CTNNA3: variants seen among roughly 807,000 people sequenced by gnomAD.
CTNNA3 encodes the protein catenin alpha-3.
In CTNNA3, 76 loss-of-function variants were observed where a neutral mutation model predicts 95.7. That is an observed-to-expected ratio of 0.79 (90% CI 0.66 to 0.96). CTNNA3 has a LOEUF of 0.96. Ranked by LOEUF, CTNNA3 falls within the 40% of genes least tolerant of loss-of-function variation. CTNNA3 has a pLI of 0.00. For synonymous variants in CTNNA3, 431 were observed against 374.4 expected, an observed-to-expected ratio of 1.15 and a Z score of -1.74; for missense variants, 1,191 against 1,089.8, an observed-to-expected ratio of 1.09 and a Z score of -1.31.
chr10:67,487,600 C>T (rs1848492454), intron 5 of CTNNA3, among the ~76,000 whole-genome samples: 1 of 152,218 alleles, frequency 6.6e-6, no homozygotes, highest in Non-Finnish European at 1.5e-5. Context: ...ACCTCACAAC[C>T]TGGGTGGTTC....
chr10:66,509,004 C>G (rs940617304), intron 11 of CTNNA3, among the ~76,000 whole-genome samples: 2 of 152,074 alleles, frequency 1.3e-5, no homozygotes, highest in Non-Finnish European at 2.9e-5. Context: ...TTCCCACCAA[C>G]AGTATATAAG....
At position 66,331,338 on chromosome 10, in the gene CTNNA3, G is replaced by GCTTGC. The variant is rs1417713676; in HGVS notation, c.1732+47813_1732+47814insGCAAG. Among the ~76,000 whole-genome samples the GCTTGC allele has an allele frequency of 9.5e-3, 373 of 39,086 alleles. 65 individuals are homozygous for GCTTGC. Among genetic ancestry groups the GCTTGC allele is most frequent in the African/African-American group, 0.024 (336 of 13,966 alleles). The allele number at this position is 39,086 out of a possible 152,430, so 25.6% of individuals were successfully genotyped here. A position where few individuals can be genotyped will look rare whatever the true frequency, so the allele number is the denominator to read the frequency against. On this transcript the variant is annotated intron_variant, in intron 12 of 17. Coordinates refer to ENST00000433211, the MANE Select transcript of CTNNA3 (RefSeq NM_013266.4). ...TTAAATATGGACTCCTTTCCCCATT[G>GCTTGC]TTTGTTTTTTTTTTTTTTTTTTTTT... is the stretch of plus-strand genomic sequence containing the variant.
chr10:67,569,420 T>C (rs888842047), intron 3 of CTNNA3, among the ~76,000 whole-genome samples: 4 of 152,168 alleles, frequency 2.6e-5, no homozygotes, highest in African/African-American at 9.6e-5. Context: ...CCATTTACTT[T>C]GAAGTATAAT....
chr10:66,023,147 ATAAATGTTTT>A (rs1377232464), intron 15 of CTNNA3, among the ~76,000 whole-genome samples: 2 of 152,248 alleles, frequency 1.3e-5, no homozygotes, highest in Non-Finnish European at 2.9e-5. Context: ...TTTGTACATA[ATAAATGTTTT>A]TAGAAAGCCT....
At chr10:67,128,609 T>A (rs1859840787) in intron 7 of CTNNA3, among the ~76,000 whole-genome samples, 1 of 152,136 alleles carries the variant, frequency 6.6e-6, no homozygotes, top group Non-Finnish European at 1.5e-5. Flanking sequence ...TTGACAAGAT[T>A]TTAAAACAAT....
chr10:66,927,107 T>C lies in CTNNA3; in HGVS notation c.1048-151583A>G. ...CCCTCAAGTATATCTGCTGGTTGCT[T>C]AGGTTTGTCCCTTCGCTATAACAGC... On this transcript the variant is annotated intron_variant, in intron 7 of 17. Transcript: ENST00000433211. This position sits in a 1 kb window ranked among gnomAD's most constrained non-coding sequence, Gnocchi z 4.7. 1.2e-6 allele frequency: 2 copies of C among 1,614,190 alleles called. No homozygotes were observed. Among genetic ancestry groups the C allele is most frequent in the Admixed American group, 1.7e-5 (1 of 60,024 alleles).
At chr10:66,997,716 C>T (rs1851433929) in intron 7 of CTNNA3, among the ~76,000 whole-genome samples, 1 of 152,050 alleles carries the variant, frequency 6.6e-6, no homozygotes, top group African/African-American at 2.4e-5. Context: ...AATCTTATAC[C>T]TTATTCCGTC....
intron 3 of CTNNA3, among the ~76,000 whole-genome samples, chr10:67,577,098 T>C (rs932976742): frequency 2.7e-5 from 4 of 150,934 alleles, no homozygotes; most frequent in Non-Finnish European, 4.4e-5. Flanking sequence ...CAAATGGTAT[T>C]TGTAGTTCTA....
intron 7 of CTNNA3, among the ~76,000 whole-genome samples, chr10:66,820,723 G>T (rs1475419657): frequency 6.6e-6 from 1 of 151,362 alleles, no homozygotes; most frequent in Non-Finnish European, 1.5e-5. Flanking sequence ...CTATGGTATG[G>T]TTTCCTATTT....
intron 3 of CTNNA3, among the ~76,000 whole-genome samples, chr10:67,569,825 C>T (rs1841925693): frequency 6.6e-6 from 1 of 152,070 alleles, no homozygotes; most frequent in Non-Finnish European, 1.5e-5. Context: ...AAGTGGTGTT[C>T]CTTTTTGCTC....
At chr10:66,642,348 A>G (rs367819715) in intron 9 of CTNNA3, among the ~76,000 whole-genome samples, 1 of 151,856 alleles carries the variant, frequency 6.6e-6, no homozygotes, top group Non-Finnish European at 1.5e-5. Context: ...CCCAGAAAAC[A>G]TGACTAGGTC....
At chr10:67,526,273 AGAT>A (rs1416813703) in intron 4 of CTNNA3, among the ~76,000 whole-genome samples, 2 of 152,166 alleles carry the variant, frequency 1.3e-5, no homozygotes, top group Non-Finnish European at 2.9e-5. Flanking sequence ...TGAACTTACA[AGAT>A]GATAATACCA....
intron 10 of CTNNA3, among the ~76,000 whole-genome samples, chr10:66,569,205 G>A (rs1042912779): frequency 3.3e-5 from 5 of 152,070 alleles, no homozygotes; most frequent in Non-Finnish European, 4.4e-5. Flanking sequence ...GGAGAGAAAG[G>A]GGATGTGGAG....
intron 1 of CTNNA3, among the ~76,000 whole-genome samples, chr10:67,715,539 C>T (rs768179632): frequency 1.3e-5 from 2 of 151,978 alleles, no homozygotes; most frequent in Admixed American, 6.6e-5. Context: ...GTCTGAGAAC[C>T]GTCTATCTAG....
chr10:67,158,047 C>T (rs963622528), intron 7 of CTNNA3, among the ~76,000 whole-genome samples: 10 of 151,786 alleles, frequency 6.6e-5, no homozygotes, highest in African/African-American at 9.7e-5. Context: ...AGAATTCCAC[C>T]GGGACTGGAC....
intron 7 of CTNNA3, among the ~76,000 whole-genome samples, chr10:66,966,480 A>AAT (rs964155592): frequency 2.4e-5 from 2 of 83,106 alleles, no homozygotes; most frequent in Non-Finnish European, 3.2e-5. Context: ...TCGGCTATGT[A>AAT]ATATATTTTT....
intron 5 of CTNNA3, among the ~76,000 whole-genome samples, chr10:67,388,560 C>T (rs1308253762): frequency 9.7e-5 from 14 of 143,772 alleles, no homozygotes; most frequent in African/African-American, 2.6e-4. Context: ...ATACAGAGAA[C>T]GCCACAAAGA....
At chr10:67,151,122 C>T (rs1228129326) in intron 7 of CTNNA3, among the ~76,000 whole-genome samples, 1 of 151,944 alleles carries the variant, frequency 6.6e-6, no homozygotes, top group Admixed American at 6.5e-5. Flanking sequence ...AATTTTTTTT[C>T]AAGACCATGT....
chr10:66,428,494 T>G (rs2093264042), intron 11 of CTNNA3, among the ~76,000 whole-genome samples: 1 of 152,110 alleles, frequency 6.6e-6, no homozygotes, highest in African/African-American at 2.4e-5. Flanking sequence ...ATTGACCACA[T>G]AGTTGGAAGT....
Sources: allele counts gnomAD v4.1 joint callset (sites outside exome capture counted in the v4.1 genomes callset), GRCh38; gene constraint gnomAD v4.1.1; non-coding constraint Gnocchi (gnomAD v3.1); transcripts MANE v1.5; gene names NCBI Gene and HGNC (gene_info 2026-07-23, HGNC 2026-07-21).